KCNH5: variants seen among roughly 807,000 people sequenced by gnomAD.
KCNH5 encodes the protein potassium voltage-gated channel subfamily H member 5.
A neutral mutation model predicts 96.1 loss-of-function variants in KCNH5; 46 were observed. That is an observed-to-expected ratio of 0.48 (90% CI 0.38 to 0.61). The LOEUF (loss-of-function observed/expected upper bound fraction) is 0.61, where lower values mean the gene tolerates loss of function less well. KCNH5 is among the 20% of genes least tolerant of loss of function. The pLI is 0.00. For missense variants in KCNH5, 907 were observed against 1,225.8 expected (o/e 0.74, Z 3.88); for synonymous variants, 439 against 449.8 (o/e 0.98, Z 0.30).
At chr14:62,969,757 A>ATTTT (rs779644836) in intron 6 of KCNH5, among the ~76,000 whole-genome samples, 52 of 113,894 alleles carry the variant, frequency 4.6e-4, no homozygotes, top group African/African-American at 1.2e-3. Context: ...AATAAAATTA[A>ATTTT]TTTTTTTTTT....
rs1464940813 is a variant in KCNH5, at chr14:63,001,441, T to G, written c.323A>C (p.Tyr108Ser). 1.2e-6 allele frequency: 2 copies of G among 1,611,552 alleles called. No homozygotes were observed. Among genetic ancestry groups the G allele is most frequent in the South Asian group, 2.2e-5 (2 of 90,402 alleles). ...ATTTCTTATTGGTGCAATTTGCATA[T>G]AAAACCAAACAGGGGTTCCTGTAAC... is the stretch of plus-strand genomic sequence containing the variant. ...YKKNRTPVWF[Y>S]MQIAPIRNEH... Residue 108 changes from tyrosine (Y) to serine (S), a missense_variant, in exon 4 of 11, where the codon TAT (tyrosine) becomes TCT (serine). Tyr to Ser is a moderately radical substitution (Grantham distance 144, BLOSUM62 -2). Coordinates refer to ENST00000322893, the MANE Select transcript of KCNH5 (RefSeq NM_139318.5).
intron 10 of KCNH5, among the ~76,000 whole-genome samples, chr14:62,771,246 C>T (rs545030001): frequency 1.3e-5 from 2 of 152,278 alleles, no homozygotes; most frequent in East Asian, 1.9e-4. Context: ...GTAAGCCAAG[C>T]AGACTAATAC....
At chr14:63,025,280 C>T (rs546816209) in intron 1 of KCNH5, among the ~76,000 whole-genome samples, 8 of 152,048 alleles carry the variant, frequency 5.3e-5, no homozygotes, top group African/African-American at 1.4e-4. Flanking sequence ...TACTCAATGA[C>T]AAAAAGTTGA....
rs111271530 is a variant in KCNH5, at chr14:63,027,806, G to A, written c.74-10852C>T. Among the ~76,000 whole-genome samples, 329 of 152,118 alleles carry A rather than the reference G, an allele frequency of 2.2e-3. 1 individual carries two copies. The highest frequency in any genetic ancestry group is 9.9e-3 in the South Asian group (48 of 4,828). On this transcript the variant is annotated intron_variant, in intron 1 of 10. Transcript: ENST00000322893. ...AGAAAGACTGTAAACATTAAGGGCC[G>A]GCTGATCTAACAAATAGTGTTTTTC...
chr14:62,777,863 G>T (rs138708561), intron 10 of KCNH5, among the ~76,000 whole-genome samples: 1 of 109,650 alleles, frequency 9.1e-6, no homozygotes, highest in Non-Finnish European at 2.1e-5. Flanking sequence ...GTGTATTTGT[G>T]TGTGTGTGTG....
At chr14:62,880,728 G>A (rs1412602224) in intron 7 of KCNH5, among the ~76,000 whole-genome samples, 1 of 152,192 alleles carries the variant, frequency 6.6e-6, no homozygotes, top group African/African-American at 2.4e-5. Flanking sequence ...ATCATGATTA[G>A]TGGCAAATTA....
chr14:62,994,954 A>G (rs1890879964), intron 4 of KCNH5, among the ~76,000 whole-genome samples: 3 of 152,260 alleles, frequency 2.0e-5, no homozygotes, highest in South Asian at 2.1e-4. Context: ...ATTCAAAGAT[A>G]GTGTTGACAT....
intron 7 of KCNH5, among the ~76,000 whole-genome samples, chr14:62,903,763 T>C (rs775667452): frequency 3.3e-5 from 5 of 152,026 alleles, no homozygotes; most frequent in Non-Finnish European, 7.4e-5. Context: ...AAGAGAAAAA[T>C]AATGAATAGA....
At chr14:62,794,209 C>T (rs948348594) in intron 9 of KCNH5, among the ~76,000 whole-genome samples, 3 of 151,832 alleles carry the variant, frequency 2.0e-5, no homozygotes, top group Admixed American at 6.6e-5. Flanking sequence ...GTTTTTGTAA[C>T]GTATACTGTT....
At chr14:63,042,178 G>A (rs1000249385) in intron 1 of KCNH5, among the ~76,000 whole-genome samples, 7 of 150,694 alleles carry the variant, frequency 4.6e-5, no homozygotes, top group African/African-American at 1.2e-4. Flanking sequence ...GTTTTGTTTT[G>A]TTTTGTTTCC....
intron 7 of KCNH5, among the ~76,000 whole-genome samples, chr14:62,850,561 T>C (rs988088503): frequency 6.6e-6 from 1 of 152,154 alleles, no homozygotes; most frequent in Non-Finnish European, 1.5e-5. Flanking sequence ...GTCATTCATC[T>C]ACAGGGGACT....
intron 6 of KCNH5, among the ~76,000 whole-genome samples, chr14:62,970,668 G>T (rs1280777908): frequency 6.6e-6 from 1 of 152,068 alleles, no homozygotes; most frequent in East Asian, 1.9e-4. Flanking sequence ...AACTGGATTT[G>T]GTTCTAGGTA....
chr14:62,737,355 G>C (rs1264150943), intron 10 of KCNH5, among the ~76,000 whole-genome samples: 1 of 152,164 alleles, frequency 6.6e-6, no homozygotes, highest in African/African-American at 2.4e-5. Context: ...TTGCACCTTA[G>C]AGGGAGCACA....
intron 1 of KCNH5, among the ~76,000 whole-genome samples, chr14:63,036,137 AAT>A (rs1891716985): frequency 6.6e-6 from 1 of 152,238 alleles, no homozygotes; most frequent in Admixed American, 6.5e-5. Flanking sequence ...GAGCAAGGGG[AAT>A]ATGTCACACA....
chr14:62,710,874 C>T (rs540201212), intron 10 of KCNH5, among the ~76,000 whole-genome samples: 1 of 152,232 alleles, frequency 6.6e-6, no homozygotes, highest in East Asian at 1.9e-4. Context: ...AACAAATATT[C>T]TTTGTTTATT....
At chr14:62,715,096 G>A (rs1884655876) in intron 10 of KCNH5, among the ~76,000 whole-genome samples, 1 of 151,986 alleles carries the variant, frequency 6.6e-6, no homozygotes, top group African/African-American at 2.4e-5. Flanking sequence ...AACTTAACAG[G>A]GAACATGGCC....
At chr14:62,930,849 C>T (rs1889567784) in intron 7 of KCNH5, among the ~76,000 whole-genome samples, 2 of 152,086 alleles carry the variant, frequency 1.3e-5, no homozygotes, top group South Asian at 4.1e-4. Flanking sequence ...TTAAGAAATG[C>T]AAGATATTTA....
chr14:63,006,745 A>G (rs565049150), intron 2 of KCNH5, among the ~76,000 whole-genome samples: 16 of 152,192 alleles, frequency 1.1e-4, no homozygotes, highest in Non-Finnish European at 2.1e-4. Flanking sequence ...GTAATTGCAC[A>G]AAGTGCAAGC....
chr14:62,885,704 A>T (rs1397791331), intron 7 of KCNH5, among the ~76,000 whole-genome samples: 2 of 152,214 alleles, frequency 1.3e-5, no homozygotes, highest in African/African-American at 4.8e-5. Context: ...GAGGCAGTTA[A>T]TTAAATGAGT....
Sources: allele counts gnomAD v4.1 joint callset (sites outside exome capture counted in the v4.1 genomes callset), GRCh38; gene constraint gnomAD v4.1.1; transcripts MANE v1.5; gene names NCBI Gene and HGNC (gene_info 2026-07-23, HGNC 2026-07-21).